Variants in MMP26 observed in about 807,000 individuals in gnomAD.
MMP26 encodes the protein matrix metallopeptidase 26, also known as matrix metalloproteinase-26.
MMP26 carries 33 observed loss-of-function variants against 31.0 expected under a neutral mutation model. That is an observed-to-expected ratio of 1.06 (90% CI 0.81 to 1.42). The LOEUF is 1.42. Among genes scored for constraint, MMP26 ranks in the 40% most tolerant of loss-of-function variants. The probability of loss-of-function intolerance (pLI) is 0.00; values close to 1 mark genes in which losing one functional copy is unlikely to be tolerated. For synonymous variants in MMP26, 122 were observed against 114.9 expected, an observed-to-expected ratio of 1.06 and a Z score of -0.40; for missense variants, 347 against 316.1, an observed-to-expected ratio of 1.10 and a Z score of -0.74.
intron 2 of MMP26, chr11:4,849,217 A>G: frequency 6.3e-7 from 1 of 1,592,284 alleles, no homozygotes; most frequent in Non-Finnish European, 8.6e-7. Context: ...ATAGTTCAGG[A>G]TTCCACGTTG....
intron 1 of MMP26, among the ~76,000 whole-genome samples, chr11:4,733,241 G>T (rs1353368106): frequency 6.6e-6 from 1 of 152,202 alleles, no homozygotes. Context: ...GACCAACTTG[G>T]AAATTGCAGC....
intron 1 of MMP26, among the ~76,000 whole-genome samples, chr11:4,748,846 G>A (rs930433184): frequency 2.0e-5 from 3 of 151,968 alleles, no homozygotes; most frequent in Non-Finnish European, 1.5e-5. Context: ...CATATTGAAT[G>A]GGGAAAAGTT....
intron 2 of MMP26, chr11:4,847,419 A>G (rs1210362982): frequency 1.3e-5 from 2 of 152,188 alleles, no homozygotes; most frequent in Non-Finnish European, 2.9e-5. Context: ...ATTTAAGATT[A>G]TTCTTATTTG....
At chr11:4,769,976 A>C (rs1848695199) in intron 2 of MMP26, 1 of 798,604 alleles carries the variant, frequency 1.3e-6, no homozygotes, top group Admixed American at 2.2e-5. Context: ...GAAGTGATAC[A>C]TTAAGTGTTA....
intron 2 of MMP26, chr11:4,832,867 T>A: frequency 5.1e-6 from 1 of 195,210 alleles, no homozygotes. Flanking sequence ...GTGTCTCATA[T>A]CTGTGCTGTA....
Position 4,839,867 on chromosome 11 carries a change from G to T in MMP26, c.-145+72526G>T, listed in dbSNP as rs531153906. On this transcript the variant is annotated intron_variant, in intron 2 of 7. Coordinates refer to ENST00000380390, the MANE Select transcript of MMP26 (RefSeq NM_021801.5). ...GCACAACCACAGGGGTGTAGAGCAG[G>T]TTCTTGGGATCCCCCATTCCAGGAT... Among the ~76,000 whole-genome samples the T allele has an allele frequency of 2.0e-4, 31 of 151,826 alleles. 1 individual carries two copies. The South Asian group carries it at 4.6e-3, about 22-fold the overall frequency.
chr11:4,918,545 G>A (rs1430799679), intron 2 of MMP26, among the ~76,000 whole-genome samples: 1 of 152,074 alleles, frequency 6.6e-6, no homozygotes, highest in Non-Finnish European at 1.5e-5. Flanking sequence ...ATCACCTTTA[G>A]CCAGTTCGCC....
At chr11:4,764,855 G>A (rs1044494052) in intron 1 of MMP26, among the ~76,000 whole-genome samples, 6 of 150,502 alleles carry the variant, frequency 4.0e-5, no homozygotes, top group African/African-American at 7.4e-5. Flanking sequence ...CCCAGCCTGG[G>A]TGACAGAGCG....
intron 2 of MMP26, among the ~76,000 whole-genome samples, chr11:4,830,874 A>G (rs1474242479): frequency 8.0e-6 from 1 of 125,288 alleles, no homozygotes; most frequent in Non-Finnish European, 1.6e-5. Flanking sequence ...AAAATCCGTG[A>G]ACAGACAAAG....
At chr11:4,731,141 A>C (rs1020892298) in intron 1 of MMP26, among the ~76,000 whole-genome samples, 2 of 151,990 alleles carry the variant, frequency 1.3e-5, no homozygotes, top group African/African-American at 4.8e-5. Context: ...ATGAGGTTTC[A>C]CTATGTTGGC....
chr11:4,984,849 T>C (rs1329581707), intron 2 of MMP26, among the ~76,000 whole-genome samples: 1 of 152,174 alleles, frequency 6.6e-6, no homozygotes, highest in African/African-American at 2.4e-5. Context: ...TCTATGGGGG[T>C]TCTCTGGTCA....
At chr11:4,861,314 T>G (rs1850154794) in intron 2 of MMP26, among the ~76,000 whole-genome samples, 2 of 150,608 alleles carry the variant, frequency 1.3e-5, no homozygotes, top group East Asian at 1.9e-4. Context: ...ACATATATGC[T>G]TCTATAAATA....
Position 4,987,573 on chromosome 11 carries a change from C to G in MMP26, c.-144-495C>G, listed in dbSNP as rs747747971. Among the ~76,000 whole-genome samples, 8 of 152,142 alleles carry G rather than the reference C, an allele frequency of 5.3e-5. No homozygotes were observed. The South Asian group carries it at 1.5e-3, about 28-fold the overall frequency. Reference sequence around the variant, plus strand: ...AGCTGGGACTACAGGCGCCCACCACCACACCCGGCTAATTTTGTGTGTTTT... The same window carrying G: ...AGCTGGGACTACAGGCGCCCACCACGACACCCGGCTAATTTTGTGTGTTTT... On this transcript the variant is annotated intron_variant, in intron 2 of 7. Transcript: ENST00000380390.
rs189937127 is a variant in MMP26 at position 4,858,226 on chromosome 11, G to A, written c.-145+90885G>A. On this transcript the variant is annotated intron_variant, in intron 2 of 7. Coordinates refer to ENST00000380390, the MANE Select transcript of MMP26 (RefSeq NM_021801.5). ...ACATAGTATTGGAAGTTCTGGCCAGGGCAATCAAGCAGGAGAAAGAAATAA... is the reference window on the plus strand; with the variant it reads ...ACATAGTATTGGAAGTTCTGGCCAGAGCAATCAAGCAGGAGAAAGAAATAA... Among the ~76,000 whole-genome samples, 42 of 152,064 alleles carry A rather than the reference G, an allele frequency of 2.8e-4. 1 individual carries two copies. The highest frequency in any genetic ancestry group is 9.9e-4 in the African/African-American group (41 of 41,434).
At chr11:4,789,938 T>C (rs1221477777) in intron 2 of MMP26, among the ~76,000 whole-genome samples, 4 of 152,148 alleles carry the variant, frequency 2.6e-5, no homozygotes, top group Admixed American at 1.3e-4. Context: ...AAAATAACAA[T>C]ATAGATAAGA....
intron 2 of MMP26, among the ~76,000 whole-genome samples, chr11:4,878,657 T>C (rs572181850): frequency 5.1e-4 from 78 of 152,284 alleles, no homozygotes; most frequent in African/African-American, 1.9e-3. Flanking sequence ...ACACTTAATA[T>C]ATATTTTTGA....
intron 2 of MMP26, among the ~76,000 whole-genome samples, chr11:4,873,241 G>A (rs190061282): frequency 2.6e-5 from 4 of 152,176 alleles, no homozygotes; most frequent in Non-Finnish European, 5.9e-5. Flanking sequence ...AAGGTGCTTA[G>A]ATTGCCAGTG....
intron 2 of MMP26, among the ~76,000 whole-genome samples, chr11:4,844,084 A>T (rs1849834199): frequency 6.6e-6 from 1 of 152,190 alleles, no homozygotes; most frequent in Admixed American, 6.5e-5. Flanking sequence ...GAAATGAAAA[A>T]GGAAACATTA....
At chr11:4,747,822 A>G (rs1848399590) in intron 1 of MMP26, among the ~76,000 whole-genome samples, 1 of 152,096 alleles carries the variant, frequency 6.6e-6, no homozygotes, top group Non-Finnish European at 1.5e-5. Flanking sequence ...AGAGTTTTAT[A>G]GCATTAAATG....
Sources: gnomAD v4.1 joint callset for allele counts (sites outside exome capture counted in the v4.1 genomes callset) on GRCh38, gnomAD v4.1.1 for gene constraint, MANE v1.5 for transcripts, NCBI Gene and HGNC (gene_info 2026-07-23, HGNC 2026-07-21) for gene names.